EXOC6B: variants seen among roughly 807,000 people sequenced by gnomAD.
The protein encoded by EXOC6B is SEC15 homolog B.
EXOC6B carries 54 observed loss-of-function variants against 113.5 expected under a neutral mutation model. The ratio of observed to expected loss-of-function variants is 0.48; its 90% CI spans 0.38 to 0.60. The LOEUF (loss-of-function observed/expected upper bound fraction) is 0.60, where lower values mean the gene tolerates loss of function less well. Ranked by LOEUF, EXOC6B falls within the 20% of genes least tolerant of loss-of-function variation. The pLI is 0.00. For synonymous variants in EXOC6B, 357 were observed against 339.0 expected (o/e 1.05, Z -0.58); for missense variants, 797 against 977.5 (o/e 0.82, Z 2.46).
At chr2:72,432,588 T>C (rs1312416536) in intron 18 of EXOC6B, among the ~76,000 whole-genome samples, 3 of 152,276 alleles carry the variant, frequency 2.0e-5, no homozygotes, top group Admixed American at 2.0e-4. Context: ...CTAGCATCTG[T>C]TGTTTCCTGA....
intron 19 of EXOC6B, among the ~76,000 whole-genome samples, chr2:72,350,521 T>C (rs1045492134): frequency 6.6e-6 from 1 of 152,228 alleles, no homozygotes; most frequent in African/African-American, 2.4e-5. Context: ...TATTAGAGAA[T>C]ATAAACTTGG....
At chr2:72,405,663 G>A (rs1471423187) in intron 18 of EXOC6B, among the ~76,000 whole-genome samples, 1 of 152,144 alleles carries the variant, frequency 6.6e-6, no homozygotes, top group Non-Finnish European at 1.5e-5. Context: ...GAAAGATTTT[G>A]TCACCACCAG....
intron 20 of EXOC6B, among the ~76,000 whole-genome samples, chr2:72,267,954 A>G (rs1684236235): frequency 6.6e-6 from 1 of 152,220 alleles, no homozygotes. Context: ...TATATGCACA[A>G]GGAAACAAAC....
intron 1 of EXOC6B, among the ~76,000 whole-genome samples, chr2:72,763,129 A>G (rs1391702548): frequency 6.6e-6 from 1 of 152,110 alleles, no homozygotes; most frequent in African/African-American, 2.4e-5. Context: ...TGAAATGAGA[A>G]ATAAAGAGAA....
chr2:72,653,737 T>C (rs553519718), intron 6 of EXOC6B, among the ~76,000 whole-genome samples: 2 of 151,832 alleles, frequency 1.3e-5, no homozygotes, highest in Non-Finnish European at 2.9e-5. Flanking sequence ...ATTTGATACC[T>C]AACATTTGAA....
intron 20 of EXOC6B, among the ~76,000 whole-genome samples, chr2:72,316,217 A>G (rs1199660882): frequency 6.6e-6 from 1 of 152,252 alleles, no homozygotes; most frequent in African/African-American, 2.4e-5. Flanking sequence ...GGTGCTCACC[A>G]GAACTGGAAG....
intron 20 of EXOC6B, among the ~76,000 whole-genome samples, chr2:72,210,428 G>A (rs1380892224): frequency 6.6e-6 from 1 of 152,150 alleles, no homozygotes; most frequent in East Asian, 1.9e-4. Flanking sequence ...TTAGAAGGAA[G>A]AGCAGCAGAC....
In EXOC6B at chr2:72,558,126, G is replaced by A. The variant is rs527875024; in HGVS notation, c.915+1327C>T. Among the ~76,000 whole-genome samples the A allele has an allele frequency of 4.7e-4, 71 of 152,070 alleles. No homozygotes were observed. The South Asian group carries it at 0.015, about 31-fold the overall frequency. ...GCCTCTCCACTGTTACATGATTCTA[G>A]TATGGACATTTAAACCTGTGAGACA... On this transcript the variant is annotated intron_variant, in intron 8 of 21. Coordinates refer to ENST00000272427, the MANE Select transcript of EXOC6B (RefSeq NM_015189.3).
chr2:72,488,062 C>A (rs928723136), intron 16 of EXOC6B, among the ~76,000 whole-genome samples: 3 of 152,180 alleles, frequency 2.0e-5, no homozygotes, highest in African/African-American at 7.2e-5. Context: ...TTTCCTTCCA[C>A]CATTTTATTA....
rs191439969 is a variant in EXOC6B at position 72,527,579 on chromosome 2, T to C, written c.916-12453A>G. The stretch of plus-strand genomic sequence containing the variant: ...TTTATTTTTATTTCTCTGGGACAAA[T>C]GCCTAGGAGTGCAACTGCAAGGTCA... On this transcript the variant is annotated intron_variant, in intron 8 of 21. Coordinates refer to ENST00000272427, the MANE Select transcript of EXOC6B (RefSeq NM_015189.3). Among the ~76,000 whole-genome samples, 347 of 152,074 alleles carry C rather than the reference T, an allele frequency of 2.3e-3. 1 individual carries two copies. Among genetic ancestry groups the C allele is most frequent in the African/African-American group, 7.8e-3 (324 of 41,552 alleles).
intron 19 of EXOC6B, among the ~76,000 whole-genome samples, chr2:72,337,996 GTCC>G (rs1688789719): frequency 6.6e-6 from 1 of 152,110 alleles, no homozygotes; most frequent in Non-Finnish European, 1.5e-5. Context: ...ATTATAAGGG[GTCC>G]TTAATCTGAG....
At chr2:72,822,381 G>A (rs560474601) in intron 1 of EXOC6B, among the ~76,000 whole-genome samples, 13 of 152,184 alleles carry the variant, frequency 8.5e-5, no homozygotes, top group Admixed American at 2.0e-4. Context: ...CTCTTTATGT[G>A]TGGATATGCT....
intron 6 of EXOC6B, among the ~76,000 whole-genome samples, chr2:72,576,282 A>ATAAAGGGTTT (rs1399105450): frequency 6.6e-6 from 1 of 152,102 alleles, no homozygotes; most frequent in Non-Finnish European, 1.5e-5. Context: ...AAGCAGGGTT[A>ATAAAGGGTTT]TAAAGGGTTT....
intron 6 of EXOC6B, among the ~76,000 whole-genome samples, chr2:72,672,878 C>T (rs1676002646): frequency 6.6e-6 from 1 of 151,920 alleles, no homozygotes; most frequent in Non-Finnish European, 1.5e-5. Context: ...ACCTGATGTT[C>T]AATAGTGTGA....
At position 72,401,535 on chromosome 2, in the gene EXOC6B, ATATATATATGTG is replaced by A. The variant is rs1432181251; in HGVS notation, c.1981-21677_1981-21666del. Among the ~76,000 whole-genome samples, 10 of 32,644 alleles carry A rather than the reference ATATATATATGTG, an allele frequency of 3.1e-4. No homozygotes were observed. In the African/African-American group the frequency reaches 4.6e-3, roughly 15 times the overall value. 21.4% of individuals were successfully genotyped at this position (32,644 alleles called of 152,430 possible). A position where few individuals can be genotyped will look rare whatever the true frequency, so the allele number is the denominator to read the frequency against. On this transcript the variant is annotated intron_variant, in intron 18 of 21. Transcript: ENST00000272427. ...TATATACATATATACATATATATAT[ATATATATATGTG>A]TATATATATATATATATACATATAT... is the stretch of plus-strand genomic sequence containing the variant.
At chr2:72,430,503 C>G (rs1387823593) in intron 18 of EXOC6B, among the ~76,000 whole-genome samples, 1 of 152,096 alleles carries the variant, frequency 6.6e-6, no homozygotes, top group Admixed American at 6.6e-5. Flanking sequence ...AAAAATTAGT[C>G]AGGCATGGTG....
At position 72,510,756 on chromosome 2, in the gene EXOC6B, T is replaced by C. The variant is rs114843327; in HGVS notation, c.1167+2376A>G. On this transcript the variant is annotated intron_variant, in intron 11 of 21. Coordinates refer to ENST00000272427, the MANE Select transcript of EXOC6B (RefSeq NM_015189.3). ...ATTCTAATATAGAAACATATTTTTA[T>C]AATGTTTATATGTTAGAACATACAA... Among the ~76,000 whole-genome samples the C allele has an allele frequency of 4.9e-3, 745 of 151,912 alleles. 11 individuals are homozygous for C. The highest frequency in any genetic ancestry group is 0.017 in the African/African-American group (693 of 41,520).
At chr2:72,519,697 G>A (rs13016873) in intron 8 of EXOC6B, among the ~76,000 whole-genome samples, 126,298 of 152,096 alleles carry the variant, frequency 0.83, 53,424 homozygotes, top group East Asian at 0.99. Flanking sequence ...TAACTATCAC[G>A]AATAATGAGA....
intron 21 of EXOC6B, 58 bp from the exon 22 acceptor site, chr2:72,179,519 G>C: frequency 6.2e-7 from 1 of 1,602,580 alleles, no homozygotes; most frequent in Non-Finnish European, 8.5e-7. Context: ...GGTGGAAGGA[G>C]AACCTGCAGG....
Sources: gnomAD v4.1 joint callset for allele counts (sites outside exome capture counted in the v4.1 genomes callset) on GRCh38, gnomAD v4.1.1 for gene constraint, MANE v1.5 for transcripts, NCBI Gene and HGNC (gene_info 2026-07-23, HGNC 2026-07-21) for gene names.